PAMR1: variants seen among roughly 807,000 people sequenced by gnomAD.
The protein encoded by PAMR1 is peptidase domain containing associated with muscle regeneration 1.
PAMR1 carries 88 observed loss-of-function variants against 81.8 expected under a neutral mutation model. The observed-to-expected ratio is 1.08, with a 90% confidence interval of 0.91 to 1.28. The LOEUF (loss-of-function observed/expected upper bound fraction) is 1.28, where lower values mean the gene tolerates loss of function less well. Among genes scored for constraint, PAMR1 ranks in the 50% most tolerant of loss-of-function variants. The pLI, the probability that PAMR1 is intolerant of heterozygous loss-of-function variation, is 0.00. For missense variants in PAMR1, 935 were observed against 919.7 expected (o/e 1.02, Z -0.21); for synonymous variants, 336 against 345.3 (o/e 0.97, Z 0.30).
intron 6 of PAMR1, among the ~76,000 whole-genome samples, chr11:35,455,745 G>T (rs1012261418): frequency 6.6e-6 from 1 of 151,972 alleles, no homozygotes; most frequent in Non-Finnish European, 1.5e-5. Flanking sequence ...CCTCCTCTGT[G>T]CCCAGCTGAA....
intron 3 of PAMR1, among the ~76,000 whole-genome samples, chr11:35,475,677 G>A (rs185735468): frequency 9.9e-5 from 15 of 152,264 alleles, no homozygotes; most frequent in Middle Eastern, 3.4e-3. Context: ...CTACCTGGGG[G>A]TTGCACACTA....
chr11:35,520,600 T>C (rs1273179143), intron 1 of PAMR1, among the ~76,000 whole-genome samples: 1 of 152,176 alleles, frequency 6.6e-6, no homozygotes, highest in Non-Finnish European at 1.5e-5. Context: ...AATGTAAACA[T>C]TGCATTTCCC....
At chr11:35,491,368 T>C (rs886841624) in intron 3 of PAMR1, among the ~76,000 whole-genome samples, 1 of 152,254 alleles carries the variant, frequency 6.6e-6, no homozygotes, top group African/African-American at 2.4e-5. Flanking sequence ...CCATTCTAAC[T>C]GCTTCTGATT....
intron 3 of PAMR1, among the ~76,000 whole-genome samples, chr11:35,484,588 T>A (rs758162547): frequency 2.6e-5 from 4 of 152,244 alleles, no homozygotes; most frequent in Non-Finnish European, 5.9e-5. Context: ...TCCTCTCCGA[T>A]AACTCACCCT....
intron 1 of PAMR1, 30 bp downstream of exon 1, chr11:35,525,483 C>CT: frequency 6.3e-7 from 1 of 1,599,384 alleles, no homozygotes; most frequent in Non-Finnish European, 8.6e-7. Flanking sequence ...GGGTGTCCTC[C>CT]TAGGGTGTCC....
intron 5 of PAMR1, 103 bp downstream of exon 5, chr11:35,470,498 C>G: frequency 1.1e-6 from 1 of 872,150 alleles, no homozygotes; most frequent in Non-Finnish European, 1.9e-6. Context: ...ACACAGCCTA[C>G]TAGGTTTTAA....
At chr11:35,437,342 G>A (rs1479774046) in intron 8 of PAMR1, among the ~76,000 whole-genome samples, 1 of 152,230 alleles carries the variant, frequency 6.6e-6, no homozygotes, top group Non-Finnish European at 1.5e-5. Flanking sequence ...TGGTACCCAA[G>A]GCAGTGCTTA....
rs546521921 is a variant in PAMR1 at position 35,470,549 on chromosome 11, T to C, written c.712+52A>G. 17 of 1,330,338 alleles carry C rather than the reference T, an allele frequency of 1.3e-5. No individual in the cohort carries two copies. In the South Asian group the frequency reaches 1.9e-4, roughly 15 times the overall value. The allele number at this position is 1,330,338 out of a possible 1,614,324, so 82.4% of individuals were successfully genotyped here. On this transcript the variant is annotated intron_variant, in intron 5 of 10. Coordinates refer to ENST00000619888, the MANE Select transcript of PAMR1 (RefSeq NM_001001991.3). ...GAAAGGAAGGGACATGGAAAGGAGATATTTATCTGGAGCAAGCCATAAAAT... is the reference window on the plus strand; with the variant it reads ...GAAAGGAAGGGACATGGAAAGGAGACATTTATCTGGAGCAAGCCATAAAAT...
At chr11:35,486,414 A>C (rs1458774438) in intron 3 of PAMR1, among the ~76,000 whole-genome samples, 1 of 152,254 alleles carries the variant, frequency 6.6e-6, no homozygotes, top group Non-Finnish European at 1.5e-5. Context: ...AAGATGTCAG[A>C]GACCATGCCC....
At chr11:35,457,686 A>C (rs1856565223) in intron 6 of PAMR1, among the ~76,000 whole-genome samples, 1 of 152,150 alleles carries the variant, frequency 6.6e-6, no homozygotes, top group African/African-American at 2.4e-5. Context: ...CATTTAGGTG[A>C]CAATCTTAGG....
chr11:35,470,959 C>A, intron 4 of PAMR1, 141 bp from the exon 5 acceptor site: 1 of 641,042 alleles, frequency 1.6e-6, no homozygotes, highest in Non-Finnish European at 2.8e-6. Context: ...AAATGGTCCT[C>A]AGAGGTTGGC....
intron 9 of PAMR1, among the ~76,000 whole-genome samples, chr11:35,435,499 G>C (rs1856021142): frequency 6.6e-6 from 1 of 152,100 alleles, no homozygotes; most frequent in Non-Finnish European, 1.5e-5. Context: ...TGAGCCACCG[G>C]TGCCCAATCT....
chr11:35,516,985 G>C (rs1446278959), intron 1 of PAMR1, among the ~76,000 whole-genome samples: 2 of 152,150 alleles, frequency 1.3e-5, no homozygotes, highest in Admixed American at 1.3e-4. Context: ...GGAGTGATTA[G>C]ACCCTAGACT....
At chr11:35,511,853 A>C (rs1322941074) in intron 1 of PAMR1, among the ~76,000 whole-genome samples, 4 of 152,132 alleles carry the variant, frequency 2.6e-5, no homozygotes, top group Non-Finnish European at 5.9e-5. Flanking sequence ...GATGACACCG[A>C]CAAGGCCAAG....
At chr11:35,519,940 G>T (rs893867117) in intron 1 of PAMR1, among the ~76,000 whole-genome samples, 1 of 152,158 alleles carries the variant, frequency 6.6e-6, no homozygotes, top group African/African-American at 2.4e-5. Context: ...ATATGACCTG[G>T]GCAGGTACTG....
chr11:35,439,765 A>T, intron 7 of PAMR1, 72 bp from the exon 8 acceptor site: 2 of 1,308,076 alleles, frequency 1.5e-6, no homozygotes, highest in Non-Finnish European at 2.2e-6. Context: ...GTTCAGATTC[A>T]TACCTGACCC....
intron 6 of PAMR1, 58 bp from the exon 7 acceptor site, chr11:35,441,751 A>G: frequency 8.5e-7 from 1 of 1,178,198 alleles, no homozygotes; most frequent in Non-Finnish European, 1.2e-6. Flanking sequence ...TCCATTTTAG[A>G]ATAGAATCTT....
intron 1 of PAMR1, among the ~76,000 whole-genome samples, chr11:35,516,283 T>G (rs537217429): frequency 6.6e-6 from 1 of 152,322 alleles, no homozygotes; most frequent in South Asian, 2.1e-4. Context: ...CCCATGCATG[T>G]GCACATACTT....
chr11:35,510,948 T>C (rs1364760646), intron 1 of PAMR1, among the ~76,000 whole-genome samples: 1 of 152,236 alleles, frequency 6.6e-6, no homozygotes, highest in Non-Finnish European at 1.5e-5. Context: ...CTATCTAAAG[T>C]GGGAAGTCCA....
Sources: gnomAD v4.1 joint callset for allele counts (sites outside exome capture counted in the v4.1 genomes callset) on GRCh38, gnomAD v4.1.1 for gene constraint, MANE v1.5 for transcripts, NCBI Gene and HGNC (gene_info 2026-07-23, HGNC 2026-07-21) for gene names.